The following TCN1 variants were observed in gnomAD, a reference collection of about 807,000 sequenced individuals.
TCN1 encodes transcobalamin-1.
TCN1 carries 47 observed loss-of-function variants against 46.3 expected under a neutral mutation model. That is an observed-to-expected ratio of 1.01 (90% CI 0.80 to 1.29). The LOEUF is 1.29. Ranked by LOEUF, TCN1 falls within the 50% of genes most tolerant of loss-of-function variation. The probability of loss-of-function intolerance (pLI) is 0.00; values close to 1 mark genes in which losing one functional copy is unlikely to be tolerated. For synonymous variants in TCN1, 183 were observed against 192.5 expected (o/e 0.95, Z 0.41); for missense variants, 532 against 511.0 (o/e 1.04, Z -0.40).
intron 4 of TCN1, among the ~76,000 whole-genome samples, chr11:59,861,153 A>G (rs1363096566): frequency 6.6e-6 from 1 of 152,252 alleles, no homozygotes; most frequent in African/African-American, 2.4e-5. Context: ...AGACAGTGTT[A>G]AGATAAACGA....
In TCN1 at chr11:59,858,336, G is replaced by GT. The variant is rs35313491; in HGVS notation, c.747+740dup. 2.3e-3 allele frequency among the ~76,000 whole-genome samples: 354 copies of GT among 151,852 alleles called. 3 individuals carry two copies. The highest frequency in any genetic ancestry group is 7.5e-3 in the African/African-American group (311 of 41,328). ...ATTATGCACAATTTAAAACTTATGC[G>GT]TTATTTCTGAAATTTTCCATTTAAT... On this transcript the variant is annotated intron_variant, in intron 5 of 8. Coordinates refer to ENST00000257264, the MANE Select transcript of TCN1 (RefSeq NM_001062.4).
intron 1 of TCN1, among the ~76,000 whole-genome samples, chr11:59,864,364 A>G (rs1322682952): frequency 6.6e-6 from 1 of 152,182 alleles, no homozygotes; most frequent in East Asian, 1.9e-4. Context: ...TGGGAAATCT[A>G]GCATCATTCC....
chr11:59,863,762 G>T (rs1853042461), intron 2 of TCN1, 145 bp downstream of exon 2: 4 of 946,712 alleles, frequency 4.2e-6, no homozygotes, highest in Non-Finnish European at 6.5e-6. Context: ...TGTATTTTGG[G>T]CATGTTTCTG....
chr11:59,861,730 C>A (rs780736034), intron 3 of TCN1, 48 bp from the exon 4 acceptor site: 1 of 1,588,798 alleles, frequency 6.3e-7, no homozygotes, highest in Non-Finnish European at 8.6e-7. Context: ...GTGGTAATGG[C>A]GTATGCATTT....
At chr11:59,866,302 C>G (rs762582542) in intron 1 of TCN1, 90 bp downstream of exon 1, 2 of 1,357,802 alleles carry the variant, frequency 1.5e-6, no homozygotes, top group Admixed American at 1.7e-5. Context: ...GGAATGGGAT[C>G]TTTTCTCAGG....
At chr11:59,854,281 G>A (rs953916685) in intron 7 of TCN1, among the ~76,000 whole-genome samples, 1 of 151,252 alleles carries the variant, frequency 6.6e-6, no homozygotes, top group Admixed American at 6.6e-5. Context: ...TTTTTTTCCT[G>A]GATGAACATT....
Position 59,865,726 on chromosome 11 carries a change from G to A in TCN1, c.79+666C>T, listed in dbSNP as rs556805204. ...AATGAAGCTAAAGAAATTCAGAAAT[G>A]TTGGGTCATTCAATAACTAAGGGAT... On this transcript the variant is annotated intron_variant, in intron 1 of 8. Coordinates refer to ENST00000257264, the MANE Select transcript of TCN1 (RefSeq NM_001062.4). Among the ~76,000 whole-genome samples the A allele has an allele frequency of 5.3e-5, 8 of 152,272 alleles. No homozygotes were observed. In the East Asian group the frequency reaches 1.2e-3, roughly 22 times the overall value.
At chr11:59,853,085 A>G in intron 8 of TCN1, 49 bp from the exon 9 acceptor site, 1 of 1,605,156 alleles carries the variant, frequency 6.2e-7, no homozygotes, top group Non-Finnish European at 8.5e-7. Context: ...TGGCCACTAA[A>G]TCACCAAATA....
At chr11:59,858,406 G>A (rs1445381138) in intron 5 of TCN1, among the ~76,000 whole-genome samples, 1 of 152,192 alleles carries the variant, frequency 6.6e-6, no homozygotes, top group Non-Finnish European at 1.5e-5. Flanking sequence ...ACTGTGGAAA[G>A]TGAAATTGTG....
chr11:59,862,483 G>A, intron 3 of TCN1, 99 bp downstream of exon 3: 2 of 1,424,602 alleles, frequency 1.4e-6, no homozygotes, highest in Non-Finnish European at 2.0e-6. Flanking sequence ...AGATGAACGG[G>A]ATGAAGAGAA....
rs879034931 is a variant in TCN1, at chr11:59,863,911, G to A, written c.255C>T (p.Ser85=). The A allele has an allele frequency of 6.2e-7, 1 of 1,613,698 alleles. No individual in the cohort carries two copies. Among genetic ancestry groups the A allele is most frequent in the Non-Finnish European group, 8.5e-7 (1 of 1,179,702 alleles). Residue 85 remains serine, a synonymous_variant, in exon 2 of 9, where the codon AGC becomes AGT. Transcript: ENST00000257264. ...MIQQIKYNVK[S]RLSDVSSGEL... ...CCAGAATATACAGCAACTTACATCTGCTTTTCACATTGTATTTGATTTGTT... is the reference window on the plus strand; with the variant it reads ...CCAGAATATACAGCAACTTACATCTACTTTTCACATTGTATTTGATTTGTT...
At chr11:59,853,536 G>A (rs182314891) in intron 7 of TCN1, among the ~76,000 whole-genome samples, 1 of 152,224 alleles carries the variant, frequency 6.6e-6, no homozygotes, top group Non-Finnish European at 1.5e-5. Flanking sequence ...TTCTAATGCA[G>A]GCACTCCACA....
At chr11:59,865,959 T>G (rs1853068741) in intron 1 of TCN1, among the ~76,000 whole-genome samples, 1 of 152,034 alleles carries the variant, frequency 6.6e-6, no homozygotes, top group South Asian at 2.1e-4. Flanking sequence ...TGAAAGAGAT[T>G]ATTATTTTTT....
intron 4 of TCN1, among the ~76,000 whole-genome samples, chr11:59,860,507 T>C (rs1432754440): frequency 1.3e-5 from 2 of 152,104 alleles, no homozygotes; most frequent in African/African-American, 4.8e-5. Context: ...GATTTGTAGG[T>C]GCATACACAT....
intron 7 of TCN1, among the ~76,000 whole-genome samples, chr11:59,854,298 A>G (rs1231241009): frequency 6.6e-6 from 1 of 151,466 alleles, no homozygotes; most frequent in Admixed American, 6.6e-5. Flanking sequence ...CATTCATTAC[A>G]TTCACTTGAT....
In TCN1 at chr11:59,854,694, C is replaced by T. The variant is rs370029605; in HGVS notation, c.1079G>A (p.Ser360Asn). The change falls in exon 7 of 9, where the codon AGT becomes AAT. Residue 360 changes from serine to asparagine, a missense_variant. Ser to Asn is a conservative substitution (Grantham distance 46). Transcript: ENST00000257264. ...VTVLNGSVFL[S>N]VMEKAQKMND... ...CATTTTCTGGGCTTTCTCCATCACACTGAGGAAGACAGAACCATTTAGCAC... is the reference window on the plus strand; with the variant it reads ...CATTTTCTGGGCTTTCTCCATCACATTGAGGAAGACAGAACCATTTAGCAC... The T allele has an allele frequency of 6.2e-7, 1 of 1,613,818 alleles. No individual in the cohort carries two copies. The highest frequency in any genetic ancestry group is 1.1e-5 in the South Asian group (1 of 91,078).
intron 6 of TCN1, among the ~76,000 whole-genome samples, chr11:59,855,082 T>G (rs1852916331): frequency 6.6e-6 from 1 of 152,198 alleles, no homozygotes; most frequent in Non-Finnish European, 1.5e-5. Context: ...AGCAATTCAG[T>G]TGCTCTAACT....
chr11:59,864,348 C>T (rs1438614217), intron 1 of TCN1, among the ~76,000 whole-genome samples: 2 of 152,114 alleles, frequency 1.3e-5, no homozygotes, highest in African/African-American at 2.4e-5. Flanking sequence ...CTGGCAGACT[C>T]CTGCCTGGGA....
intron 2 of TCN1, 45 bp from the exon 3 acceptor site, chr11:59,862,767 T>G (rs1853030870): frequency 6.2e-7 from 1 of 1,609,322 alleles, no homozygotes; most frequent in African/African-American, 1.3e-5. Context: ...AGGCTTGTGA[T>G]TTTTTGGGCC....
Sources: gnomAD v4.1 joint callset for allele counts (sites outside exome capture counted in the v4.1 genomes callset) on GRCh38, gnomAD v4.1.1 for gene constraint, MANE v1.5 for transcripts, NCBI Gene and HGNC (gene_info 2026-07-23, HGNC 2026-07-21) for gene names.